Variants in RPL21 observed in about 807,000 individuals in gnomAD.
RPL21 encodes large ribosomal subunit protein eL21.
RPL21 carries 1 observed loss-of-function variant against 21.2 expected under a neutral mutation model. The observed-to-expected ratio is 0.05, with a 90% confidence interval of 0.02 to 0.22. The LOEUF is 0.22. Among genes scored for constraint, RPL21 ranks in the 10% least tolerant of loss-of-function variants. The pLI is 1.00. For missense variants in RPL21, 113 were observed against 199.4 expected (o/e 0.57, Z 2.61); for synonymous variants, 52 against 62.9 (o/e 0.83, Z 0.82).
chr13:27,254,622 C>T (rs117827511), intron 3 of RPL21, among the ~76,000 whole-genome samples: 7,188 of 151,984 alleles, frequency 0.047, 193 homozygotes, highest in Admixed American at 0.077. Context: ...TTGAACACCT[C>T]GGGTGATCTG....
At position 27,253,751 on chromosome 13, in the gene RPL21, C is replaced by T. The variant is rs142768843; in HGVS notation, c.-12-14C>T. On this transcript the variant is annotated splice_polypyrimidine_tract_variant and intron_variant, in intron 1 of 5. Coordinates refer to ENST00000311549, the MANE Select transcript of RPL21 (RefSeq NM_000982.4). ...TTTTCAGTCGTATTTGACTGTTCTG[C>T]TTTCTGGTTTCAGTAATTCGCCAAA... is the stretch of plus-strand genomic sequence containing the variant. 533 of 1,502,112 alleles carry T rather than the reference C, an allele frequency of 3.5e-4. 4 individuals carry two copies. The African/African-American group carries it at 6.7e-3, about 19-fold the overall frequency. 93.0% of individuals were successfully genotyped at this position (1,502,112 alleles called of 1,614,324 possible).
chr13:27,253,803 A>T lies in RPL21; in HGVS notation c.27A>T (p.Arg9Ser). ...TGACGAACACAAAGGGAAAGAGGAGAGGCACCCGATATATGTTCTCTAGGC... is the reference window on the plus strand; with the variant it reads ...TGACGAACACAAAGGGAAAGAGGAGTGGCACCCGATATATGTTCTCTAGGC... MTNTKGKR[R>S]GTRYMFSRPF... Residue 9 changes from arginine to serine, a missense_variant, in exon 2 of 6, where the codon AGA becomes AGT. Arg to Ser is a moderately radical substitution (Grantham distance 110, BLOSUM62 -1). Coordinates refer to ENST00000311549, the MANE Select transcript of RPL21 (RefSeq NM_000982.4). 1 of 1,608,572 alleles carries T rather than the reference A, an allele frequency of 6.2e-7. No homozygotes were observed. Among genetic ancestry groups the T allele is most frequent in the Non-Finnish European group, 8.5e-7 (1 of 1,175,098 alleles).
intron 1 of RPL21, among the ~76,000 whole-genome samples, chr13:27,253,527 G>C (rs890085636): frequency 6.6e-6 from 1 of 152,136 alleles, no homozygotes; most frequent in African/African-American, 2.4e-5. Flanking sequence ...TTGGATTCTC[G>C]TATCAAGTTC....
chr13:27,255,042 T>G (rs1881829734), intron 3 of RPL21, 200 bp from the exon 4 acceptor site: 2 of 748,338 alleles, frequency 2.7e-6, no homozygotes, highest in Non-Finnish European at 4.9e-6. Flanking sequence ...GTGACCTGGA[T>G]TTAAATGTAT....
At chr13:27,255,376 T>G (rs747129293) in intron 4 of RPL21, 22 bp downstream of exon 4, 2 of 962,912 alleles carry the variant, frequency 2.1e-6, no homozygotes, top group African/African-American at 1.6e-5. Flanking sequence ...TGTAGTTCTT[T>G]GTGGCTAACC....
At chr13:27,253,207 A>G (rs1267055719) in intron 1 of RPL21, among the ~76,000 whole-genome samples, 1 of 152,238 alleles carries the variant, frequency 6.6e-6, no homozygotes. Context: ...ATTTAGGTCA[A>G]TGATTATAAA....
intron 1 of RPL21, 122 bp downstream of exon 1, chr13:27,251,707 G>T: frequency 6.5e-6 from 1 of 152,720 alleles, no homozygotes; most frequent in Non-Finnish European, 1.5e-5. Context: ...GAGGTCCATT[G>T]GCATGGGCGG....
At chr13:27,254,113 C>A in intron 2 of RPL21, 107 bp from the exon 3 acceptor site, 1 of 794,716 alleles carries the variant, frequency 1.3e-6, no homozygotes, top group Non-Finnish European at 2.3e-6. Context: ...AGATAATAAG[C>A]ATGTAACCAT....
chr13:27,255,993 A>G lies in RPL21; in HGVS notation c.243-191A>G. Reference sequence around the variant, plus strand: ...TCATCAAAGAGAGTTAAAAGTAGGGATGTTCTCTGCAAGGCCTCTTCTGAT... The same window carrying G: ...TCATCAAAGAGAGTTAAAAGTAGGGGTGTTCTCTGCAAGGCCTCTTCTGAT... On this transcript the variant is annotated intron_variant, in intron 4 of 5. Coordinates refer to ENST00000311549, the MANE Select transcript of RPL21 (RefSeq NM_000982.4). 5.1e-6 allele frequency: 3 copies of G among 589,608 alleles called. No homozygotes were observed. In the South Asian group the frequency reaches 6.2e-5, roughly 12 times the overall value. 36.5% of individuals were successfully genotyped at this position (589,608 alleles called of 1,614,324 possible). A position where few individuals can be genotyped will look rare whatever the true frequency, so the allele number is the denominator to read the frequency against.
At chr13:27,255,215 G>A (rs756676608) in intron 3 of RPL21, 27 bp from the exon 4 acceptor site, 2 of 874,030 alleles carry the variant, frequency 2.3e-6, no homozygotes, top group East Asian at 2.4e-5. Context: ...GGGAAATGCT[G>A]GTATATAACA....
At chr13:27,255,520 A>G (rs1199309370) in intron 4 of RPL21, 166 bp downstream of exon 4, 1 of 760,082 alleles carries the variant, frequency 1.3e-6, no homozygotes, top group African/African-American at 1.7e-5. Flanking sequence ...TGTCAGAGGA[A>G]ACAAATTGAA....
intron 5 of RPL21, 44 bp downstream of exon 5, chr13:27,256,378 A>C (rs1881901330): frequency 2.5e-6 from 4 of 1,591,918 alleles, no homozygotes; most frequent in African/African-American, 1.3e-5. Context: ...GAGCACTTTA[A>C]GGTTGAGATT....
chr13:27,254,953 C>T, intron 3 of RPL21: 2 of 537,536 alleles, frequency 3.7e-6, no homozygotes, highest in South Asian at 3.5e-5. Context: ...AAAGGAACGC[C>T]TTAGTGCAAA....
At position 27,256,291 on chromosome 13, in the gene RPL21, A is replaced by G; in HGVS notation, c.350A>G (p.Lys117Arg). Reference protein sequence around the residue: ...KRVKENDQKKKEAKEKGTWVQ... With the variant: ...KRVKENDQKKREAKEKGTWVQ... ...GTGAAGGAAAATGATCAGAAAAAGAAAGAAGCCAAAGAGAAAGGTACCTGG... is the reference window on the plus strand; with the variant it reads ...GTGAAGGAAAATGATCAGAAAAAGAGAGAAGCCAAAGAGAAAGGTACCTGG... The change falls in exon 5 of 6, where the codon AAA (lysine) becomes AGA (arginine). Residue 117 changes from lysine (K) to arginine (R), a missense_variant. By Grantham distance (26) the Lys-to-Arg change is conservative. Transcript: ENST00000311549. 6.2e-7 allele frequency: 1 copy of G among 1,607,166 alleles called. No individual in the cohort carries two copies. The highest frequency in any genetic ancestry group is 8.5e-7 in the Non-Finnish European group (1 of 1,175,612).
At chr13:27,252,933 A>G (rs1881716870) in intron 1 of RPL21, among the ~76,000 whole-genome samples, 1 of 152,254 alleles carries the variant, frequency 6.6e-6, no homozygotes, top group South Asian at 2.1e-4. Context: ...TTTCTGCCCT[A>G]TAATGACTAA....
intron 3 of RPL21, chr13:27,254,536 AGGC>A (rs1287205801): frequency 2.1e-6 from 1 of 476,484 alleles, no homozygotes. Context: ...CTGGGATTAC[AGGC>A]GTGCACCATG....
intron 2 of RPL21, 56 bp from the exon 3 acceptor site, chr13:27,254,164 T>A: frequency 9.3e-7 from 1 of 1,078,760 alleles, no homozygotes; most frequent in Non-Finnish European, 1.4e-6. Context: ...AAATTGCATT[T>A]CTTTTACTCT....
rs369679172 is a variant in RPL21, at chr13:27,255,378, T to C, written c.242+24T>C. The C allele has an allele frequency of 6.1e-5, 58 of 955,108 alleles. No individual in the cohort carries two copies. The African/African-American group carries it at 8.2e-4, about 13-fold the overall frequency. 59.2% of individuals were successfully genotyped at this position (955,108 alleles called of 1,614,324 possible). ...AAGTAAGTAGTGTTGTAGTTCTTTGTGGCTAACCAGTATTCCCTCATATAC... is the reference window on the plus strand; with the variant it reads ...AAGTAAGTAGTGTTGTAGTTCTTTGCGGCTAACCAGTATTCCCTCATATAC... On this transcript the variant is annotated intron_variant, in intron 4 of 5. Transcript: ENST00000311549.
chr13:27,253,972 G>A (rs766917925), intron 2 of RPL21, 129 bp downstream of exon 2: 28 of 727,188 alleles, frequency 3.9e-5, no homozygotes, highest in Non-Finnish European at 5.7e-5. Flanking sequence ...AGCTTATTTC[G>A]TGATAAGGTA....
Sources: allele counts gnomAD v4.1 joint callset (sites outside exome capture counted in the v4.1 genomes callset), GRCh38; gene constraint gnomAD v4.1.1; transcripts MANE v1.5; gene names NCBI Gene and HGNC (gene_info 2026-07-23, HGNC 2026-07-21).